The following BBS9 variants were observed in gnomAD, a reference collection of about 807,000 sequenced individuals.
The protein encoded by BBS9 is Bardet-Biedl syndrome 9, also known as protein PTHB1.
In BBS9, 89 loss-of-function variants were observed where a neutral mutation model predicts 117.7. That is an observed-to-expected ratio of 0.76 (90% CI 0.64 to 0.90). The LOEUF is 0.90. Among genes scored for constraint, BBS9 ranks in the 40% least tolerant of loss-of-function variants. The probability of loss-of-function intolerance (pLI) is 0.00; values close to 1 mark genes in which losing one functional copy is unlikely to be tolerated. For missense variants in BBS9, 982 were observed against 1,042.2 expected (o/e 0.94, Z 0.80); for synonymous variants, 379 against 370.9 (o/e 1.02, Z -0.25).
chr7:33,540,955 T>C (rs1852195883), intron 21 of BBS9, among the ~76,000 whole-genome samples: 1 of 152,208 alleles, frequency 6.6e-6, no homozygotes, highest in Non-Finnish European at 1.5e-5. Context: ...TTTTACTACT[T>C]TGCAGCATTT....
At chr7:33,317,181 T>G (rs571284039) in intron 9 of BBS9, among the ~76,000 whole-genome samples, 1 of 152,354 alleles carries the variant, frequency 6.6e-6, no homozygotes, top group African/African-American at 2.4e-5. Context: ...TGGGTTTGTT[T>G]CTGGAGTCTT....
intron 21 of BBS9, among the ~76,000 whole-genome samples, chr7:33,587,283 C>T (rs1400390366): frequency 6.6e-6 from 1 of 151,914 alleles, no homozygotes; most frequent in Non-Finnish European, 1.5e-5. Flanking sequence ...CCTTTGTTTC[C>T]CTCCATTCTC....
At chr7:33,510,852 T>C (rs1846850114) in intron 20 of BBS9, among the ~76,000 whole-genome samples, 1 of 152,166 alleles carries the variant, frequency 6.6e-6, no homozygotes, top group South Asian at 2.1e-4. Context: ...ATCAGTTGAG[T>C]TGACCACCTC....
Position 33,518,337 on chromosome 7 carries a change from G to A in BBS9, c.2298+12692G>A, listed in dbSNP as rs903511865. 2.0e-4 allele frequency among the ~76,000 whole-genome samples: 28 copies of A among 138,732 alleles called. No homozygotes were observed. In the South Asian group the frequency reaches 3.1e-3, roughly 15 times the overall value. The allele number at this position is 138,732 out of a possible 152,430, so 91.0% of individuals were successfully genotyped here. A position where few individuals can be genotyped will look rare whatever the true frequency, so the allele number is the denominator to read the frequency against. On this transcript the variant is annotated intron_variant, in intron 20 of 22. Coordinates refer to ENST00000242067, the MANE Select transcript of BBS9 (RefSeq NM_198428.3). ...ACAATCCCGGCTCACTGCAACCTCT[G>A]CCTCCCGGGTTCAAACGATTCTCCT...
intron 19 of BBS9, among the ~76,000 whole-genome samples, chr7:33,491,525 A>T (rs893465152): frequency 6.6e-6 from 1 of 152,160 alleles, no homozygotes; most frequent in African/African-American, 2.4e-5. Context: ...GGATGTACCA[A>T]ATGGGATTTA....
chr7:33,595,066 G>A (rs1862514312), intron 21 of BBS9, among the ~76,000 whole-genome samples: 1 of 152,066 alleles, frequency 6.6e-6, no homozygotes, highest in African/African-American at 2.4e-5. Context: ...AGACTTAAAT[G>A]TAAAAACCAA....
Position 33,416,486 on chromosome 7 carries a change from G to A in BBS9, c.2115+28342G>A, listed in dbSNP as rs141598841. 5.1e-3 allele frequency among the ~76,000 whole-genome samples: 777 copies of A among 152,024 alleles called. 8 individuals are homozygous for A. Among genetic ancestry groups the A allele is most frequent in the African/African-American group, 0.017 (700 of 41,452 alleles). On this transcript the variant is annotated intron_variant, in intron 19 of 22. Coordinates refer to ENST00000242067, the MANE Select transcript of BBS9 (RefSeq NM_198428.3). ...GCTGAGAGGTTTTGTATATTTTAGG[G>A]TTCAGGACACTATAATGACCAGTAC... is the stretch of plus-strand genomic sequence containing the variant.
chr7:33,571,820 A>G lies in BBS9; in HGVS notation c.2522-33045A>G, dbSNP rs551348572. 2.1e-4 allele frequency among the ~76,000 whole-genome samples: 32 copies of G among 152,184 alleles called. No individual in the cohort carries two copies. The South Asian group carries it at 6.6e-3, about 32-fold the overall frequency. On this transcript the variant is annotated intron_variant, in intron 21 of 22. Coordinates refer to ENST00000242067, the MANE Select transcript of BBS9 (RefSeq NM_198428.3). ...TTTTACATATAGATAATATTTGTAC[A>G]TACCATAAATATGTAGTACATGTGA...
At position 33,129,969 on chromosome 7, in the gene BBS9, C is replaced by G. The variant is rs1789330307; in HGVS notation, c.-84C>G. The G allele has an allele frequency of 6.6e-6, 1 of 152,158 alleles. No homozygotes were observed. The highest frequency in any genetic ancestry group is 2.1e-4 in the South Asian group (1 of 4,820). 9.4% of individuals were successfully genotyped at this position (152,158 alleles called of 1,614,324 possible). ...GCTCCATCACTGGGACCTTGTCAGG[C>G]GTTCATAAAGCAAAATTTGCCGAAC... On this transcript the variant is annotated 5_prime_UTR_variant, in exon 1 of 23. Transcript: ENST00000242067.
intron 21 of BBS9, among the ~76,000 whole-genome samples, chr7:33,569,151 G>A (rs1403534132): frequency 6.6e-6 from 1 of 152,130 alleles, no homozygotes; most frequent in Non-Finnish European, 1.5e-5. Flanking sequence ...ACTGAAGGGG[G>A]TGGGAAAGAA....
intron 20 of BBS9, among the ~76,000 whole-genome samples, chr7:33,512,083 G>C (rs1158668397): frequency 1.3e-5 from 2 of 152,148 alleles, no homozygotes; most frequent in Non-Finnish European, 2.9e-5. Flanking sequence ...ATCTTAGCCA[G>C]CAAGATAAAC....
chr7:33,311,334 T>A (rs1052484912), intron 9 of BBS9, among the ~76,000 whole-genome samples: 1 of 152,202 alleles, frequency 6.6e-6, no homozygotes, highest in African/African-American at 2.4e-5. Flanking sequence ...AGGTTTCTGA[T>A]CAAGGGAATG....
intron 21 of BBS9, among the ~76,000 whole-genome samples, chr7:33,578,224 C>A (rs1246931629): frequency 6.6e-6 from 1 of 152,090 alleles, no homozygotes; most frequent in Non-Finnish European, 1.5e-5. Flanking sequence ...CTATTACCAC[C>A]AGTGTGTAGA....
At chr7:33,461,427 A>T (rs1839451497) in intron 19 of BBS9, among the ~76,000 whole-genome samples, 1 of 152,004 alleles carries the variant, frequency 6.6e-6, no homozygotes, top group Non-Finnish European at 1.5e-5. Context: ...TTGTTATTAA[A>T]AATAGATTAT....
At chr7:33,333,637 A>G (rs2128618742) in intron 9 of BBS9, among the ~76,000 whole-genome samples, 1 of 151,054 alleles carries the variant, frequency 6.6e-6, no homozygotes, top group South Asian at 2.1e-4. Flanking sequence ...TTTTTTTGAG[A>G]CCGAGTCTTG....
intron 19 of BBS9, among the ~76,000 whole-genome samples, chr7:33,481,575 A>G (rs751328767): frequency 8.5e-5 from 13 of 152,230 alleles, no homozygotes; most frequent in Non-Finnish European, 1.8e-4. Context: ...ATGAAATACA[A>G]TGTAAATTTG....
chr7:33,563,818 C>T (rs963573096), intron 21 of BBS9, among the ~76,000 whole-genome samples: 6 of 152,124 alleles, frequency 3.9e-5, no homozygotes, highest in African/African-American at 9.7e-5. Context: ...AATCTGCATT[C>T]GGCGCTAAAA....
chr7:33,455,019 T>G (rs1838433363), intron 19 of BBS9, among the ~76,000 whole-genome samples: 1 of 152,148 alleles, frequency 6.6e-6, no homozygotes, highest in Non-Finnish European at 1.5e-5. Context: ...TCATTTTTCT[T>G]TTGTAAAGGA....
At chr7:33,294,232 TC>T (rs898149193) in intron 9 of BBS9, among the ~76,000 whole-genome samples, 14 of 151,804 alleles carry the variant, frequency 9.2e-5, no homozygotes, top group Non-Finnish European at 1.9e-4. Context: ...GCAGCAACCC[TC>T]CCCCCCATAT....
Sources: gnomAD v4.1 joint callset for allele counts (sites outside exome capture counted in the v4.1 genomes callset) on GRCh38, gnomAD v4.1.1 for gene constraint, MANE v1.5 for transcripts, NCBI Gene and HGNC (gene_info 2026-07-23, HGNC 2026-07-21) for gene names.